Variants in DMXL1 observed in about 807,000 individuals in gnomAD.
The protein encoded by DMXL1 is dmX-like protein 1.
In DMXL1, 99 loss-of-function variants were observed where a neutral mutation model predicts 319.2. That is an observed-to-expected ratio of 0.31 (90% CI 0.26 to 0.37). DMXL1 has a LOEUF of 0.37. Among genes scored for constraint, DMXL1 ranks in the 10% least tolerant of loss-of-function variants. DMXL1 has a pLI of 1.00. For synonymous variants in DMXL1, 1,385 were observed against 1,235.2 expected (o/e 1.12, Z -2.54); for missense variants, 3,745 against 3,595.6 (o/e 1.04, Z -1.06).
In DMXL1 at chr5:119,124,846, C is replaced by T. The variant is rs544700376; in HGVS notation, c.1102+3707C>T. Among the ~76,000 whole-genome samples the T allele has an allele frequency of 9.5e-4, 145 of 152,126 alleles. 1 individual carries two copies. The highest frequency in any genetic ancestry group is 1.6e-3 in the Non-Finnish European group (107 of 67,982). ...CCTCCCAAGGTGGTGGGATTACAGG[C>T]GTGAGTCACTGCACCCAACCAACAT... On this transcript the variant is annotated intron_variant, in intron 9 of 43. Transcript: ENST00000539542.
chr5:119,136,560 G>A (rs1438811998), intron 13 of DMXL1, among the ~76,000 whole-genome samples: 1 of 152,242 alleles, frequency 6.6e-6, no homozygotes, highest in African/African-American at 2.4e-5. Context: ...CCCATCAGAG[G>A]TCCAGAGGCC....
intron 34 of DMXL1, among the ~76,000 whole-genome samples, chr5:119,212,700 A>C (rs186005716): frequency 1.6e-4 from 25 of 152,328 alleles, no homozygotes; most frequent in Non-Finnish European, 3.1e-4. Context: ...TGAAATCTTT[A>C]CAGAGTGTGA....
In DMXL1 at chr5:119,121,505, G is replaced by A. The variant is rs554839208; in HGVS notation, c.1102+366G>A. On this transcript the variant is annotated intron_variant, in intron 9 of 43. Transcript: ENST00000539542. ...ACTCTTAACGAGCATGCTGCCTTCA[G>A]GCATCTGTTTAACAAAGCACATCTT... is the stretch of plus-strand genomic sequence containing the variant. 6.7e-4 allele frequency among the ~76,000 whole-genome samples: 102 copies of A among 151,940 alleles called. 1 individual carries two copies. The East Asian group carries it at 0.018, about 26-fold the overall frequency.
chr5:119,089,241 A>C (rs892879416), intron 1 of DMXL1, among the ~76,000 whole-genome samples: 2 of 134,642 alleles, frequency 1.5e-5, no homozygotes, highest in Admixed American at 8.2e-5. Context: ...TTGCCAGACA[A>C]ATTGGAGCTC....
chr5:119,109,558 C>T (rs1187250220), intron 4 of DMXL1, among the ~76,000 whole-genome samples: 1 of 152,184 alleles, frequency 6.6e-6, no homozygotes, highest in African/African-American at 2.4e-5. Context: ...TCTAGCCTAT[C>T]TGTGTACGTT....
intron 1 of DMXL1, among the ~76,000 whole-genome samples, chr5:119,079,550 A>G (rs1341296551): frequency 6.6e-6 from 1 of 152,224 alleles, no homozygotes; most frequent in East Asian, 1.9e-4. Flanking sequence ...ATTTGTTGCC[A>G]CTTTTATGTC....
At chr5:119,242,577 TC>T (rs2150749651) in intron 42 of DMXL1, among the ~76,000 whole-genome samples, 2 of 152,288 alleles carry the variant, frequency 1.3e-5, no homozygotes, top group African/African-American at 4.8e-5. Context: ...TAATCAAAAT[TC>T]CAGCATGCTA....
chr5:119,230,900 A>C (rs959406582), intron 38 of DMXL1, among the ~76,000 whole-genome samples: 1 of 152,126 alleles, frequency 6.6e-6, no homozygotes, highest in Non-Finnish European at 1.5e-5. Flanking sequence ...TAAATAAATA[A>C]ATAAATAGGA....
intron 33 of DMXL1, among the ~76,000 whole-genome samples, chr5:119,203,983 CA>C (rs1781296005): frequency 6.6e-6 from 1 of 151,734 alleles, no homozygotes; most frequent in Admixed American, 6.6e-5. Flanking sequence ...CCACCACGCC[CA>C]ACTAATTTTT....
chr5:119,224,436 G>T (rs1207686684), intron 37 of DMXL1, among the ~76,000 whole-genome samples: 1 of 151,888 alleles, frequency 6.6e-6, no homozygotes, highest in Admixed American at 6.6e-5. Flanking sequence ...AATGTAATGG[G>T]ATCAGAAAAG....
intron 1 of DMXL1, among the ~76,000 whole-genome samples, chr5:119,089,534 C>T (rs1184588886): frequency 6.6e-6 from 1 of 150,706 alleles, no homozygotes; most frequent in East Asian, 2.0e-4. Flanking sequence ...TCTCAAACTC[C>T]TGGCCTCAAG....
chr5:119,175,329 T>A lies in DMXL1; in HGVS notation c.6750T>A (p.His2250Gln), dbSNP rs375298863. 9.9e-5 allele frequency: 159 copies of A among 1,604,958 alleles called. No homozygotes were observed. The highest frequency in any genetic ancestry group is 1.3e-4 in the Non-Finnish European group (154 of 1,174,082). ...TTTATCAGTGCCTTTGTGGTAGTCA[T>A]AACTACAGGTAACTATCTTTTTATG... The part of the protein sequence containing the change: ...ACIYQCLCGS[H>Q]NYSSFQTNQF... The change falls in exon 26 of 44, where the codon CAT (histidine) becomes CAA (glutamine). Residue 2250 changes from histidine (H) to glutamine (Q), a missense_variant. Transcript: ENST00000539542.
rs749593716 is a variant in DMXL1, at chr5:119,097,946, A to G, written c.88-33A>G. ...TCTACATGGTAAATGTTTCCTTGAC[A>G]CTTTTATCATTTTTATTTATTTATT... is the stretch of plus-strand genomic sequence containing the variant. On this transcript the variant is annotated intron_variant, in intron 1 of 43. Transcript: ENST00000539542. 1.0e-5 allele frequency: 16 copies of G among 1,542,446 alleles called. No homozygotes were observed. In the East Asian group the frequency reaches 3.2e-4, roughly 31 times the overall value.
intron 42 of DMXL1, among the ~76,000 whole-genome samples, chr5:119,242,790 A>T (rs913745771): frequency 6.6e-6 from 1 of 152,244 alleles, no homozygotes; most frequent in Non-Finnish European, 1.5e-5. Flanking sequence ...GGAGCCCACT[A>T]ATAGACTCAC....
rs2150261353 is a variant in DMXL1, at chr5:119,170,727, T to C, written c.5936T>C (p.Val1979Ala). 6.2e-7 allele frequency: 1 copy of C among 1,612,660 alleles called. No individual in the cohort carries two copies. The highest frequency in any genetic ancestry group is 8.5e-7 in the Non-Finnish European group (1 of 1,179,688). Residue 1979 changes from valine (V) to alanine (A), a missense_variant, in exon 24 of 44, where the codon GTC becomes GCC. By Grantham distance (64) the Val-to-Ala change is moderately conservative (BLOSUM62 0). Coordinates refer to ENST00000539542, the MANE Select transcript of DMXL1 (RefSeq NM_001290321.3). ...DSDNDEENED[V>A]PISMKELKPL... is the part of the protein sequence containing the mutation. ...GATAATGATGAAGAAAATGAGGATG[T>C]CCCTATTTCAATGAAAGAACTAAAA...
intron 30 of DMXL1, among the ~76,000 whole-genome samples, chr5:119,194,264 T>C (rs770436956): frequency 3.9e-5 from 6 of 152,216 alleles, no homozygotes; most frequent in Non-Finnish European, 8.8e-5. Context: ...TTTGCATCAT[T>C]CCTCACAGAT....
chr5:119,232,537 A>T (rs187936155), intron 38 of DMXL1, among the ~76,000 whole-genome samples: 3 of 152,260 alleles, frequency 2.0e-5, no homozygotes. Context: ...TTTTCTACTC[A>T]CAACTGTCCA....
chr5:119,109,254 C>T (rs943080499), intron 4 of DMXL1, among the ~76,000 whole-genome samples: 14 of 152,080 alleles, frequency 9.2e-5, no homozygotes, highest in African/African-American at 1.9e-4. Flanking sequence ...TTTGAAATTT[C>T]GATGTAAGTT....
At chr5:119,122,252 C>G (rs901575909) in intron 9 of DMXL1, among the ~76,000 whole-genome samples, 3 of 143,842 alleles carry the variant, frequency 2.1e-5, no homozygotes, top group Non-Finnish European at 4.6e-5. Flanking sequence ...GGGCGGCTGG[C>G]TGGGCGGGGG....
Sources: gnomAD v4.1 joint callset for allele counts (sites outside exome capture counted in the v4.1 genomes callset) on GRCh38, gnomAD v4.1.1 for gene constraint, MANE v1.5 for transcripts, NCBI Gene and HGNC (gene_info 2026-07-23, HGNC 2026-07-21) for gene names.